The following PGAP4 variants were observed in gnomAD, a reference collection of about 807,000 sequenced individuals.
The protein encoded by PGAP4 is GPI-N-acetylgalactosamine transferase PGAP4.
Under a neutral mutation model 28.2 loss-of-function variants are expected in PGAP4, and 12 were observed. The ratio of observed to expected loss-of-function variants is 0.42; its 90% CI spans 0.27 to 0.69. PGAP4 has a LOEUF of 0.69. PGAP4 is among the 30% of genes least tolerant of loss of function. PGAP4 has a pLI of 0.22. For synonymous variants in PGAP4, 205 were observed against 211.8 expected, an observed-to-expected ratio of 0.97 and a Z score of 0.28; for missense variants, 425 against 513.5, an observed-to-expected ratio of 0.83 and a Z score of 1.67.
chr9:101,480,265 T>C (rs912407031), intron 1 of PGAP4, among the ~76,000 whole-genome samples: 1 of 152,248 alleles, frequency 6.6e-6, no homozygotes, highest in Non-Finnish European at 1.5e-5. Flanking sequence ...GTTTAATTCT[T>C]GTTCATAGTA....
At chr9:101,533,666 T>TA (rs374536454), upstream of PGAP4, 1 of 152,226 alleles carries the variant, frequency 6.6e-6, no homozygotes, top group African/African-American at 2.4e-5. Flanking sequence ...CGAGTACTCT[T>TA]AGAGGTCGTA....
intron 2 of PGAP4, among the ~76,000 whole-genome samples, chr9:101,525,683 C>T (rs897441048): frequency 1.6e-5 from 2 of 125,802 alleles, no homozygotes; most frequent in Non-Finnish European, 3.1e-5. Flanking sequence ...ACTCCAGCCT[C>T]GGCAACAGAG....
At chr9:101,494,175 A>G (rs1247765939) in intron 2 of PGAP4, among the ~76,000 whole-genome samples, 1 of 151,958 alleles carries the variant, frequency 6.6e-6, no homozygotes. Context: ...GAAGATAGGC[A>G]TTTTATGTAC....
intron 1 of PGAP4, among the ~76,000 whole-genome samples, chr9:101,485,416 G>A (rs189152871): frequency 1.3e-5 from 2 of 152,162 alleles, no homozygotes; most frequent in African/African-American, 2.4e-5. Flanking sequence ...AGATCATTTG[G>A]AATTAGAACT....
At chr9:101,513,518 C>G (rs1472718432) in intron 2 of PGAP4, among the ~76,000 whole-genome samples, 2 of 152,186 alleles carry the variant, frequency 1.3e-5, no homozygotes, top group Non-Finnish European at 2.9e-5. Context: ...GACATCACCT[C>G]CCACAGATGT....
chr9:101,500,125 G>A (rs1176551531), intron 2 of PGAP4, among the ~76,000 whole-genome samples: 1 of 151,800 alleles, frequency 6.6e-6, no homozygotes, highest in Non-Finnish European at 1.5e-5. Context: ...CTTTAATCTG[G>A]AACTGTTTCT....
At position 101,474,742 on chromosome 9, in the gene PGAP4, T is replaced by C. The variant is rs1471192953; in HGVS notation, c.*1139A>G. 1.3e-5 allele frequency: 2 copies of C among 152,224 alleles called. No homozygotes were observed. The highest frequency in any genetic ancestry group is 4.8e-5 in the African/African-American group (2 of 41,462). 9.4% of individuals were successfully genotyped at this position (152,224 alleles called of 1,614,324 possible). ...TTCCGAAATAAGCTTGAGTTGTATA[T>C]GTTTATTATAGGAGAGAAAAGTTTG... On this transcript the variant is annotated 3_prime_UTR_variant, in exon 2 of 2. Transcript: ENST00000374848.
chr9:101,528,287 C>G (rs1420153724), intron 2 of PGAP4, among the ~76,000 whole-genome samples: 1 of 152,078 alleles, frequency 6.6e-6, no homozygotes, highest in Non-Finnish European at 1.5e-5. Flanking sequence ...TTCCACCTTG[C>G]TTGTATGGGG....
chr9:101,531,996 G>A (rs1396258912), intron 1 of PGAP4, among the ~76,000 whole-genome samples: 1 of 152,264 alleles, frequency 6.6e-6, no homozygotes, highest in East Asian at 1.9e-4. Flanking sequence ...ATTGCCAGTA[G>A]CTGTGGCTCA....
At chr9:101,523,633 T>TGGA (rs1431843493) in intron 2 of PGAP4, among the ~76,000 whole-genome samples, 2 of 97,704 alleles carry the variant, frequency 2.0e-5, no homozygotes, top group African/African-American at 4.3e-5. Flanking sequence ...TTTTTTTTTT[T>TGGA]TTTTTTTTTT....
chr9:101,480,288 A>C lies in PGAP4; in HGVS notation c.-77-3119T>G, dbSNP rs557913190. Among the ~76,000 whole-genome samples the C allele has an allele frequency of 2.6e-5, 4 of 152,354 alleles. No homozygotes were observed. The South Asian group carries it at 6.2e-4, about 24-fold the overall frequency. On this transcript the variant is annotated intron_variant, in intron 1 of 1. Coordinates refer to ENST00000374848, the MANE Select transcript of PGAP4 (RefSeq NM_032342.3). ...CTTGTTCATAGTACTTGTCCTTTAC[A>C]GGTCAATTGTGCCTCTGTTGCCTGT...
chr9:101,517,040 T>C (rs1826949792), intron 2 of PGAP4, among the ~76,000 whole-genome samples: 3 of 152,214 alleles, frequency 2.0e-5, no homozygotes, highest in African/African-American at 7.2e-5. Flanking sequence ...ATCACAGTTA[T>C]AATAACTATA....
chr9:101,492,343 C>T (rs570558864), intron 2 of PGAP4, among the ~76,000 whole-genome samples: 1 of 152,002 alleles, frequency 6.6e-6, no homozygotes, highest in Non-Finnish European at 1.5e-5. Flanking sequence ...AAGGCGCATA[C>T]CACCATGCTC....
chr9:101,475,598 A>C lies in PGAP4; in HGVS notation c.*283T>G, dbSNP rs1028900257. The C allele has an allele frequency of 4.7e-6, 2 of 422,514 alleles. No homozygotes were observed. Among genetic ancestry groups the C allele is most frequent in the African/African-American group, 2.0e-5 (1 of 51,008 alleles). 26.2% of individuals were successfully genotyped at this position (422,514 alleles called of 1,614,324 possible). A position where few individuals can be genotyped will look rare whatever the true frequency, so the allele number is the denominator to read the frequency against. On this transcript the variant is annotated 3_prime_UTR_variant, in exon 2 of 2. Transcript: ENST00000374848. ...AGCAGAGCTTAAAAACAAATGGAGA[A>C]TATAATCAGTGTTCAAATGCACCCT...
At position 101,473,505 on chromosome 9, in the gene PGAP4, G is replaced by C. The variant is rs1232304155; in HGVS notation, c.*2376C>G. 6.6e-6 allele frequency: 1 copy of C among 152,282 alleles called. No individual in the cohort carries two copies. The highest frequency in any genetic ancestry group is 2.4e-5 in the African/African-American group (1 of 41,468). The allele number at this position is 152,282 out of a possible 1,614,324, so 9.4% of individuals were successfully genotyped here. On this transcript the variant is annotated 3_prime_UTR_variant, in exon 2 of 2. Coordinates refer to ENST00000374848, the MANE Select transcript of PGAP4 (RefSeq NM_032342.3). Reference sequence around the variant, plus strand: ...AGAAGTGGGTGGGAACAAAAGAGCAGAACTGAGCCTGCATCTGCAGAAAAT... The same window carrying C: ...AGAAGTGGGTGGGAACAAAAGAGCACAACTGAGCCTGCATCTGCAGAAAAT...
chr9:101,498,608 TAG>T (rs377635902), intron 2 of PGAP4, among the ~76,000 whole-genome samples: 82 of 151,292 alleles, frequency 5.4e-4, no homozygotes, highest in African/African-American at 1.9e-3. Flanking sequence ...AAGAAAAAAA[TAG>T]AGAGACATAG....
Position 101,475,515 on chromosome 9 carries a change from C to T in PGAP4, c.*366G>A, listed in dbSNP as rs1005640550. The T allele has an allele frequency of 4.3e-6, 1 of 231,492 alleles. No individual in the cohort carries two copies. Among genetic ancestry groups the T allele is most frequent in the Non-Finnish European group, 8.5e-6 (1 of 118,258 alleles). The allele number at this position is 231,492 out of a possible 1,614,324, so 14.3% of individuals were successfully genotyped here. ...TTTCACAAAATTCTACCCTTAAGAT[C>T]CTAAAACAGTCATATCACTGTGCAC... On this transcript the variant is annotated 3_prime_UTR_variant, in exon 2 of 2. Transcript: ENST00000374848.
intron 2 of PGAP4, among the ~76,000 whole-genome samples, chr9:101,525,699 C>CAAAA (rs397893277): frequency 3.3e-4 from 20 of 61,274 alleles, no homozygotes; most frequent in East Asian, 1.4e-3. Flanking sequence ...CAGAGCGTCT[C>CAAAA]AAAAAAAAAA....
At chr9:101,491,116 A>G (rs1826684614), upstream of PGAP4, among the ~76,000 whole-genome samples, 1 of 152,124 alleles carries the variant, frequency 6.6e-6, no homozygotes, top group Admixed American at 6.6e-5. Context: ...TAATTGTCAT[A>G]CTTCCTTTGC....
Sources: gnomAD v4.1 joint callset for allele counts (sites outside exome capture counted in the v4.1 genomes callset) on GRCh38, gnomAD v4.1.1 for gene constraint, MANE v1.5 for transcripts, NCBI Gene and HGNC (gene_info 2026-07-23, HGNC 2026-07-21) for gene names.